PPP3CA: variants seen among roughly 807,000 people sequenced by gnomAD.
PPP3CA encodes CAM-PRP catalytic subunit.
PPP3CA carries 14 observed loss-of-function variants against 66.5 expected under a neutral mutation model. That is an observed-to-expected ratio of 0.21 (90% CI 0.14 to 0.33). The LOEUF (loss-of-function observed/expected upper bound fraction) is 0.33. PPP3CA is among the 10% of genes least tolerant of loss of function. The probability of loss-of-function intolerance (pLI) is 1.00; values close to 1 mark genes in which losing one functional copy is unlikely to be tolerated. For synonymous variants in PPP3CA, 232 were observed against 226.2 expected, an observed-to-expected ratio of 1.03 and a Z score of -0.23; for missense variants, 317 against 639.5, an observed-to-expected ratio of 0.50 and a Z score of 5.44.
At chr4:101,281,599 T>C (rs1407551469) in intron 1 of PPP3CA, among the ~76,000 whole-genome samples, 1 of 152,186 alleles carries the variant, frequency 6.6e-6, no homozygotes, top group Non-Finnish European at 1.5e-5. Flanking sequence ...TTGCCACAAC[T>C]TTCTGAAAGT....
chr4:101,069,177 G>A (rs1728806385), intron 8 of PPP3CA, among the ~76,000 whole-genome samples: 1 of 152,008 alleles, frequency 6.6e-6, no homozygotes, highest in African/African-American at 2.4e-5. Context: ...TGGGACTACA[G>A]GCACACACCA....
intron 1 of PPP3CA, among the ~76,000 whole-genome samples, chr4:101,312,748 A>T (rs566165030): frequency 3.3e-5 from 5 of 152,322 alleles, no homozygotes; most frequent in African/African-American, 1.2e-4. Context: ...AGATTAATAC[A>T]ATAAGTGACA....
At chr4:101,032,205 G>A in intron 12 of PPP3CA, 62 bp downstream of exon 12, 1 of 1,235,966 alleles carries the variant, frequency 8.1e-7, no homozygotes, top group Non-Finnish European at 1.1e-6. Context: ...ATAAATCAGG[G>A]CTCTAATGAC....
intron 2 of PPP3CA, among the ~76,000 whole-genome samples, chr4:101,170,486 A>T (rs1160472600): frequency 6.6e-6 from 1 of 152,178 alleles, no homozygotes; most frequent in East Asian, 1.9e-4. Flanking sequence ...ATGTTACTAC[A>T]AATAAATAAA....
chr4:101,083,650 TTGTGCATATG>T (rs1225279365), intron 6 of PPP3CA, among the ~76,000 whole-genome samples: 1 of 152,196 alleles, frequency 6.6e-6, no homozygotes, highest in African/African-American at 2.4e-5. Context: ...ATTGCACCAT[TTGTGCATATG>T]TGTGCATGTA....
chr4:101,086,766 C>T (rs1426349988), intron 6 of PPP3CA, among the ~76,000 whole-genome samples: 1 of 152,186 alleles, frequency 6.6e-6, no homozygotes, highest in Non-Finnish European at 1.5e-5. Flanking sequence ...AATTATATTT[C>T]TACTTCTGTG....
intron 1 of PPP3CA, among the ~76,000 whole-genome samples, chr4:101,278,763 A>G (rs896376847): frequency 2.0e-5 from 3 of 152,010 alleles, no homozygotes; most frequent in African/African-American, 4.8e-5. Context: ...CCTGGTCATA[A>G]GCACCCCTTC....
intron 1 of PPP3CA, among the ~76,000 whole-genome samples, chr4:101,206,068 T>C (rs1178329234): frequency 6.6e-6 from 1 of 152,226 alleles, no homozygotes; most frequent in Non-Finnish European, 1.5e-5. Context: ...CCTCTGGGTC[T>C]TTCCACGTTT....
Position 101,023,877 on chromosome 4 carries a change from G to A in PPP3CA, c.*1988C>T, listed in dbSNP as rs1726496744. On this transcript the variant is annotated 3_prime_UTR_variant, in exon 14 of 14. Transcript: ENST00000394854. ...TTTGGTGTATCTTAAATCTTCGGGT[G>A]ATGATTAGATAGTAGCTGAAGCGTG... The A allele has an allele frequency of 6.6e-6, 1 of 152,620 alleles. No individual in the cohort carries two copies. Among genetic ancestry groups the A allele is most frequent in the African/African-American group, 2.4e-5 (1 of 41,452 alleles). 9.5% of individuals were successfully genotyped at this position (152,620 alleles called of 1,614,324 possible).
chr4:101,054,371 A>T (rs1728136598), intron 10 of PPP3CA, among the ~76,000 whole-genome samples: 1 of 152,072 alleles, frequency 6.6e-6, no homozygotes, highest in African/African-American at 2.4e-5. Flanking sequence ...TAGATTTTTA[A>T]ATTAACCAAA....
At chr4:101,308,055 T>G (rs1220815426) in intron 1 of PPP3CA, among the ~76,000 whole-genome samples, 1 of 152,214 alleles carries the variant, frequency 6.6e-6, no homozygotes, top group Non-Finnish European at 1.5e-5. Flanking sequence ...TTTTAGCCTT[T>G]TCATCTATTG....
Position 101,346,877 on chromosome 4 carries a change from A to ACGCTGC in PPP3CA, c.-82_-81insGCAGCG, listed in dbSNP as rs1553944292. The ACGCTGC allele has an allele frequency of 2.6e-5, 34 of 1,293,038 alleles. No individual in the cohort carries two copies. The Admixed American group carries it at 7.1e-4, about 27-fold the overall frequency. 80.1% of individuals were successfully genotyped at this position (1,293,038 alleles called of 1,614,324 possible). A position where few individuals can be genotyped will look rare whatever the true frequency, so the allele number is the denominator to read the frequency against. ...ACCGGACCGGCGGGCCAGACACTCA[A>ACGCTGC]CGCCGCCGCCGCCGCCGCCGCCGCC... On this transcript the variant is annotated 5_prime_UTR_variant, in exon 1 of 14. Transcript: ENST00000394854.
chr4:101,045,101 A>G (rs76452460), intron 10 of PPP3CA, among the ~76,000 whole-genome samples: 2,116 of 152,336 alleles, frequency 0.014, 53 homozygotes, highest in African/African-American at 0.048. Flanking sequence ...TAGTGTGCAG[A>G]AAGTGTTATG....
chr4:101,092,023 G>C (rs559913198), intron 6 of PPP3CA, among the ~76,000 whole-genome samples: 1 of 151,910 alleles, frequency 6.6e-6, no homozygotes, highest in Admixed American at 6.6e-5. Context: ...GTGAAACTGA[G>C]GAAGATCACA....
intron 10 of PPP3CA, among the ~76,000 whole-genome samples, chr4:101,060,635 A>G (rs1402857282): frequency 6.6e-6 from 1 of 152,168 alleles, no homozygotes; most frequent in Non-Finnish European, 1.5e-5. Context: ...TGGGATTGAA[A>G]TAAATACCAA....
intron 2 of PPP3CA, among the ~76,000 whole-genome samples, chr4:101,130,509 G>T (rs1296822837): frequency 6.6e-6 from 1 of 152,132 alleles, no homozygotes; most frequent in Non-Finnish European, 1.5e-5. Context: ...GAGAATGGTT[G>T]GGTTACCCAC....
intron 1 of PPP3CA, among the ~76,000 whole-genome samples, chr4:101,241,195 C>G (rs1414165536): frequency 2.6e-5 from 4 of 151,980 alleles, no homozygotes; most frequent in Non-Finnish European, 5.9e-5. Flanking sequence ...TGGTATGGTA[C>G]AGTGAAAAGA....
chr4:101,298,459 G>A (rs911263065), intron 1 of PPP3CA, among the ~76,000 whole-genome samples: 67 of 151,588 alleles, frequency 4.4e-4, no homozygotes, highest in African/African-American at 1.6e-3. Context: ...TGCCTCCCCT[G>A]CCACCTCCTC....
At chr4:101,237,875 G>T (rs1023954353) in intron 1 of PPP3CA, among the ~76,000 whole-genome samples, 2 of 152,006 alleles carry the variant, frequency 1.3e-5, no homozygotes, top group African/African-American at 4.8e-5. Flanking sequence ...GCCACTCAGG[G>T]TTGCACTATT....
Sources: allele counts gnomAD v4.1 joint callset (sites outside exome capture counted in the v4.1 genomes callset), GRCh38; gene constraint gnomAD v4.1.1; transcripts MANE v1.5; gene names NCBI Gene and HGNC (gene_info 2026-07-23, HGNC 2026-07-21).